Variants in ZEB1 observed in about 807,000 individuals in gnomAD.
ZEB1 encodes the protein zinc finger E-box binding homeobox 1, also known as zinc finger E-box-binding homeobox 1.
A neutral mutation model predicts 84.9 loss-of-function variants in ZEB1; 21 were observed. The ratio of observed to expected loss-of-function variants is 0.25; its 90% confidence interval spans 0.18 to 0.36. The LOEUF (loss-of-function observed/expected upper bound fraction) is 0.36, where lower values mean the gene tolerates loss of function less well. ZEB1 is among the 10% of genes least tolerant of loss of function. The probability of loss-of-function intolerance (pLI) is 1.00; values close to 1 mark genes in which losing one functional copy is unlikely to be tolerated. For missense variants in ZEB1, 1,104 were observed against 1,330.2 expected, an observed-to-expected ratio of 0.83 and a Z score of 2.65; for synonymous variants, 420 against 471.1, an observed-to-expected ratio of 0.89 and a Z score of 1.41.
At chr10:31,445,074 A>T (rs1051842857) in intron 1 of ZEB1, among the ~76,000 whole-genome samples, 2 of 142,208 alleles carry the variant, frequency 1.4e-5, no homozygotes, top group African/African-American at 6.2e-5. Flanking sequence ...ATTTGTTTGT[A>T]TCCTCTTTTA....
intron 1 of ZEB1, among the ~76,000 whole-genome samples, chr10:31,430,991 C>A (rs2057643635): frequency 6.6e-6 from 1 of 152,206 alleles, no homozygotes; most frequent in African/African-American, 2.4e-5. Flanking sequence ...AGGCCCAAAT[C>A]AGTACTGCTT....
intron 1 of ZEB1, among the ~76,000 whole-genome samples, chr10:31,443,806 C>T (rs1221599269): frequency 6.6e-6 from 1 of 150,614 alleles, no homozygotes; most frequent in Non-Finnish European, 1.5e-5. Context: ...TTAATCCAGT[C>T]TATCATTGTT....
intron 1 of ZEB1, among the ~76,000 whole-genome samples, chr10:31,407,354 T>C (rs1461534154): frequency 1.3e-5 from 2 of 151,014 alleles, no homozygotes; most frequent in Non-Finnish European, 2.9e-5. Flanking sequence ...TGTTTGGTTT[T>C]TTGTTATTGC....
At chr10:31,433,553 C>T (rs188474387) in intron 1 of ZEB1, among the ~76,000 whole-genome samples, 6 of 152,172 alleles carry the variant, frequency 3.9e-5, no homozygotes, top group Admixed American at 6.5e-5. Flanking sequence ...GCAGCTACTT[C>T]GGTAGCAACT....
chr10:31,387,359 G>T, intron 1 of ZEB1: 1 of 967,508 alleles, frequency 1.0e-6, no homozygotes, highest in Non-Finnish European at 1.2e-6. Context: ...GAGACCTTCA[G>T]ACGTTCGCAC....
intron 1 of ZEB1, among the ~76,000 whole-genome samples, chr10:31,353,559 A>G (rs2133910936): frequency 6.6e-6 from 1 of 152,340 alleles, no homozygotes; most frequent in Admixed American, 6.5e-5. Flanking sequence ...TTTTAGGTCA[A>G]TTCCAGAATT....
chr10:31,437,017 A>G (rs2058371608), intron 1 of ZEB1, among the ~76,000 whole-genome samples: 1 of 152,152 alleles, frequency 6.6e-6, no homozygotes, highest in African/African-American at 2.4e-5. Context: ...TACTCAGGTA[A>G]CTTAGGTAAA....
chr10:31,402,286 T>C (rs895353714), intron 1 of ZEB1, among the ~76,000 whole-genome samples: 4 of 152,140 alleles, frequency 2.6e-5, no homozygotes, highest in African/African-American at 9.7e-5. Flanking sequence ...ACTATTTGCC[T>C]TCTGATTAAA....
intron 1 of ZEB1, among the ~76,000 whole-genome samples, chr10:31,440,742 A>G (rs964177466): frequency 1.3e-5 from 2 of 152,212 alleles, no homozygotes; most frequent in South Asian, 4.1e-4. Flanking sequence ...CAAAATCACA[A>G]GCATTCTTAT....
chr10:31,445,581 G>C (rs989685570), intron 1 of ZEB1, among the ~76,000 whole-genome samples: 34 of 152,054 alleles, frequency 2.2e-4, no homozygotes, highest in Non-Finnish European at 4.4e-4. Flanking sequence ...TTATTTTGAA[G>C]TACGTCCCAT....
intron 1 of ZEB1, among the ~76,000 whole-genome samples, chr10:31,453,008 C>G (rs897550168): frequency 6.6e-6 from 1 of 152,010 alleles, no homozygotes; most frequent in Non-Finnish European, 1.5e-5. Flanking sequence ...TGACAATATG[C>G]TTATCTGATA....
intron 6 of ZEB1, among the ~76,000 whole-genome samples, chr10:31,516,539 T>TAAAAAAAAAA (rs71027029): frequency 2.9e-5 from 1 of 34,030 alleles, no homozygotes; most frequent in African/African-American, 9.9e-5. Flanking sequence ...TGTCTGTAAG[T>TAAAAAAAAAA]AAAAAAAAAA....
intron 1 of ZEB1, among the ~76,000 whole-genome samples, chr10:31,382,050 T>C (rs189757139): frequency 1.6e-3 from 233 of 144,772 alleles, no homozygotes; most frequent in Middle Eastern, 0.015. Context: ...TAAATTTCCC[T>C]TGAAGCCCGA....
chr10:31,402,110 CTGT>C (rs541378977), intron 1 of ZEB1, among the ~76,000 whole-genome samples: 4,596 of 150,998 alleles, frequency 0.03, 132 homozygotes, highest in African/African-American at 0.065. Flanking sequence ...GTTGTTGTTG[CTGT>C]TGTTGTTGTT....
chr10:31,484,309 A>G (rs1441486396), intron 2 of ZEB1, among the ~76,000 whole-genome samples: 3 of 151,964 alleles, frequency 2.0e-5, no homozygotes, highest in African/African-American at 4.8e-5. Context: ...GCAGACCACA[A>G]TGTAAAAAAA....
chr10:31,375,185 A>C (rs141704980), intron 1 of ZEB1, among the ~76,000 whole-genome samples: 143 of 151,568 alleles, frequency 9.4e-4, no homozygotes, highest in Middle Eastern at 3.4e-3. Flanking sequence ...AGTGACTTCT[A>C]AATTTAGTTT....
chr10:31,347,735 A>G (rs763478424), intron 1 of ZEB1, among the ~76,000 whole-genome samples: 2 of 152,204 alleles, frequency 1.3e-5, no homozygotes, highest in Non-Finnish European at 2.9e-5. Context: ...AACAATTTTT[A>G]TCATAAATAC....
At chr10:31,443,220 T>A (rs1273178144) in intron 1 of ZEB1, among the ~76,000 whole-genome samples, 6 of 152,214 alleles carry the variant, frequency 3.9e-5, no homozygotes, top group African/African-American at 1.4e-4. Context: ...GGGTGGTTCA[T>A]CTTATGAGTG....
intron 1 of ZEB1, among the ~76,000 whole-genome samples, chr10:31,332,934 T>A (rs912136814): frequency 6.6e-6 from 1 of 152,214 alleles, no homozygotes; most frequent in African/African-American, 2.4e-5. Context: ...TATTTGTTTA[T>A]ACTTTACTAT....
Sources: gnomAD v4.1 joint callset for allele counts (sites outside exome capture counted in the v4.1 genomes callset) on GRCh38, gnomAD v4.1.1 for gene constraint, MANE v1.5 for transcripts, NCBI Gene and HGNC (gene_info 2026-07-23, HGNC 2026-07-21) for gene names.